Variants in CHIC2 observed in about 807,000 individuals in gnomAD.
The protein encoded by CHIC2 is cysteine-rich hydrophobic domain-containing protein 2.
Under a neutral mutation model 25.9 loss-of-function variants are expected in CHIC2, and 14 were observed. That is an observed-to-expected ratio of 0.54 (90% confidence interval 0.36 to 0.85). The LOEUF (loss-of-function observed/expected upper bound fraction) is 0.85. CHIC2 is among the 40% of genes least tolerant of loss of function. The probability of loss-of-function intolerance (pLI) is 0.01; values close to 1 mark genes in which losing one functional copy is unlikely to be tolerated. For missense variants in CHIC2, 146 were observed against 202.0 expected (o/e 0.72, Z 1.68); for synonymous variants, 70 against 72.0 (o/e 0.97, Z 0.14).
Position 54,014,093 on chromosome 4 carries a change from T to C in CHIC2, c.357A>G (p.Leu119=), listed in dbSNP as rs1259215534. ...GGTATAACCTATTGTTTTCCCATTC[T>C]AATAACTTCTCAATCGATCTTCGTG... ...KRTRRSIEKL[L]EWENNRLYHK... is the part of the protein sequence containing the mutation. The change falls in exon 4 of 6, where the codon TTA becomes TTG. Residue 119 remains leucine, a synonymous_variant. Transcript: ENST00000263921. The C allele has an allele frequency of 6.2e-7, 1 of 1,613,414 alleles. No individual in the cohort carries two copies.
At chr4:54,062,079 G>A (rs541677927) in intron 1 of CHIC2, among the ~76,000 whole-genome samples, 15 of 152,146 alleles carry the variant, frequency 9.9e-5, no homozygotes, top group African/African-American at 3.4e-4. Context: ...AATCTTAAAA[G>A]GTATCGACTA....
the CHIC2 span, among the ~76,000 whole-genome samples, chr4:54,083,679 C>T: frequency 6.6e-6 from 1 of 152,248 alleles, no homozygotes. Flanking sequence ...CCATTCCCAC[C>T]ACTACTGATT....
intron 3 of CHIC2, among the ~76,000 whole-genome samples, chr4:54,023,207 C>T (rs1233581642): frequency 6.6e-6 from 1 of 152,164 alleles, no homozygotes; most frequent in African/African-American, 2.4e-5. Context: ...AAAATTCTTA[C>T]ACAAGAGCCG....
the CHIC2 span, chr4:54,086,910 G>A: frequency 1.6e-6 from 1 of 624,630 alleles, no homozygotes. Context: ...TTGTTGGTTG[G>A]AATAAAAAGG....
chr4:54,067,296 CTGTGTGTG>C (rs5858255), upstream of CHIC2, among the ~76,000 whole-genome samples: 7 of 149,772 alleles, frequency 4.7e-5, no homozygotes, highest in South Asian at 6.4e-4. Context: ...GTGTGTGTGT[CTGTGTGTG>C]TGTGTGTGTG....
At chr4:54,049,586 C>G (rs1285931670) in intron 1 of CHIC2, among the ~76,000 whole-genome samples, 1 of 152,140 alleles carries the variant, frequency 6.6e-6, no homozygotes, top group African/African-American at 2.4e-5. Context: ...TTAATTTGAG[C>G]TACCAACTTT....
At chr4:54,050,547 C>A (rs1716973073) in intron 1 of CHIC2, among the ~76,000 whole-genome samples, 1 of 152,104 alleles carries the variant, frequency 6.6e-6, no homozygotes, top group African/African-American at 2.4e-5. Context: ...TAAATACATA[C>A]AGTCATGTGC....
rs188005203 is a variant in CHIC2, at chr4:54,062,601, C to G, written c.119+1581G>C. Among the ~76,000 whole-genome samples the G allele has an allele frequency of 2.3e-3, 353 of 152,274 alleles. 1 individual carries two copies. Among genetic ancestry groups the G allele is most frequent in the South Asian group, 4.8e-3 (23 of 4,830 alleles). ...ACTATTGCATTTTCCACTTGCCCAA[C>G]AAAGTGCTTAGCTTTTCTTCTCCTT... is the stretch of plus-strand genomic sequence containing the variant. On this transcript the variant is annotated intron_variant, in intron 1 of 5. Transcript: ENST00000263921.
chr4:54,045,412 C>T (rs1489444277), intron 3 of CHIC2, among the ~76,000 whole-genome samples: 1 of 152,146 alleles, frequency 6.6e-6, no homozygotes, highest in African/African-American at 2.4e-5. Context: ...AAAATACTGG[C>T]AAACCAAATC....
At chr4:54,028,839 C>T (rs545447815) in intron 3 of CHIC2, among the ~76,000 whole-genome samples, 131 of 152,254 alleles carry the variant, frequency 8.6e-4, no homozygotes, top group African/African-American at 3.0e-3. Flanking sequence ...AAAAGTCAAA[C>T]ATCGACTGGG....
intron 1 of CHIC2, among the ~76,000 whole-genome samples, chr4:54,053,529 C>G (rs1055468327): frequency 6.3e-5 from 9 of 142,344 alleles, no homozygotes; most frequent in Non-Finnish European, 9.0e-5. Context: ...CACTCCAGCC[C>G]GGGCTGACAA....
the CHIC2 span, among the ~76,000 whole-genome samples, chr4:54,080,081 AT>A: frequency 6.6e-6 from 1 of 150,966 alleles, no homozygotes; most frequent in Admixed American, 6.6e-5. Flanking sequence ...CAACTTAAGT[AT>A]TCATCCACAG....
At chr4:54,036,979 C>T (rs1269046707) in intron 3 of CHIC2, among the ~76,000 whole-genome samples, 2 of 151,994 alleles carry the variant, frequency 1.3e-5, no homozygotes, top group African/African-American at 2.4e-5. Context: ...ACAAATGTGG[C>T]ATATCCATAT....
the CHIC2 span, among the ~76,000 whole-genome samples, chr4:54,075,470 G>T: frequency 4.6e-5 from 7 of 152,250 alleles, no homozygotes; most frequent in Admixed American, 2.0e-4. Flanking sequence ...ATTTGGATAT[G>T]AACATGTAAA....
At chr4:54,069,124 C>A (rs1287508517), upstream of CHIC2, among the ~76,000 whole-genome samples, 1 of 152,162 alleles carries the variant, frequency 6.6e-6, no homozygotes, top group African/African-American at 2.4e-5. Context: ...CCTCCCTGGG[C>A]TCAAGCAATG....
chr4:54,060,630 C>A (rs950040729), intron 1 of CHIC2: 1 of 152,120 alleles, frequency 6.6e-6, no homozygotes, highest in Non-Finnish European at 1.5e-5. Context: ...TAGACTGACA[C>A]ATCCTTTAGA....
At chr4:54,048,400 A>C (rs1367516971) in intron 3 of CHIC2, among the ~76,000 whole-genome samples, 1 of 152,214 alleles carries the variant, frequency 6.6e-6, no homozygotes, top group Non-Finnish European at 1.5e-5. Context: ...AAAAAGCAGA[A>C]AAGAATGTCC....
intron 1 of CHIC2, among the ~76,000 whole-genome samples, chr4:54,054,310 CTCA>C (rs1298193119): frequency 6.6e-6 from 1 of 152,146 alleles, no homozygotes; most frequent in Non-Finnish European, 1.5e-5. Flanking sequence ...CTTGTATCTC[CTCA>C]TATTAACAAT....
the CHIC2 span, among the ~76,000 whole-genome samples, chr4:54,088,858 G>A: frequency 1.3e-5 from 2 of 152,208 alleles, no homozygotes; most frequent in African/African-American, 4.8e-5. Flanking sequence ...AGGACTTCAT[G>A]ATGGGTTAAA....
Sources: allele counts gnomAD v4.1 joint callset (sites outside exome capture counted in the v4.1 genomes callset), GRCh38; gene constraint gnomAD v4.1.1; transcripts MANE v1.5; gene names NCBI Gene and HGNC (gene_info 2026-07-23, HGNC 2026-07-21).